CDH10: variants seen among roughly 807,000 people sequenced by gnomAD.
The protein encoded by CDH10 is cadherin-10.
CDH10 carries 30 observed loss-of-function variants against 73.1 expected under a neutral mutation model. The ratio of observed to expected loss-of-function variants is 0.41; its 90% CI spans 0.31 to 0.56. The LOEUF (loss-of-function observed/expected upper bound fraction) is 0.56, where lower values mean the gene tolerates loss of function less well. Ranked by LOEUF, CDH10 falls within the 20% of genes least tolerant of loss-of-function variation. The pLI, the probability that CDH10 is intolerant of heterozygous loss-of-function variation, is 0.27. For synonymous variants in CDH10, 345 were observed against 348.2 expected (o/e 0.99, Z 0.10); for missense variants, 815 against 973.7 (o/e 0.84, Z 2.17).
At chr5:24,628,028 T>A (rs1327876177) in intron 1 of CDH10, among the ~76,000 whole-genome samples, 2 of 152,150 alleles carry the variant, frequency 1.3e-5, no homozygotes, top group Non-Finnish European at 2.9e-5. Flanking sequence ...ATTTTAGGTG[T>A]AAGCTCTACA....
chr5:24,580,863 C>G (rs1745774671), intron 2 of CDH10, among the ~76,000 whole-genome samples: 1 of 151,982 alleles, frequency 6.6e-6, no homozygotes, highest in African/African-American at 2.4e-5. Context: ...CTTGTGTCCC[C>G]TTCCTTCATC....
At position 24,607,428 on chromosome 5, in the gene CDH10, T is replaced by A. The variant is rs534904520; in HGVS notation, c.-123-13815A>T. ...AAATGAACTTAACAGAGTCGCATTA[T>A]TTATAAGAAGGAAAGTTAAAAAAAC... is the stretch of plus-strand genomic sequence containing the variant. On this transcript the variant is annotated intron_variant, in intron 1 of 11. Transcript: ENST00000264463. 3.9e-5 allele frequency among the ~76,000 whole-genome samples: 6 copies of A among 152,300 alleles called. No homozygotes were observed. In the South Asian group the frequency reaches 1.2e-3, roughly 32 times the overall value.
At chr5:24,528,086 A>C (rs1203947341) in intron 5 of CDH10, among the ~76,000 whole-genome samples, 2 of 151,814 alleles carry the variant, frequency 1.3e-5, no homozygotes, top group Non-Finnish European at 2.9e-5. Context: ...TAACTCCTTC[A>C]AACTATAGGC....
intron 7 of CDH10, among the ~76,000 whole-genome samples, chr5:24,508,220 T>C (rs750542891): frequency 2.6e-5 from 4 of 152,228 alleles, no homozygotes; most frequent in Non-Finnish European, 5.9e-5. Context: ...TGGATTATAG[T>C]AAGTGTTCAT....
intron 1 of CDH10, among the ~76,000 whole-genome samples, chr5:24,600,590 C>T (rs372247473): frequency 1.3e-5 from 2 of 151,738 alleles, no homozygotes; most frequent in Non-Finnish European, 2.9e-5. Flanking sequence ...AGCAGAGCGT[C>T]GGTGTGCGTG....
At chr5:24,540,100 G>A (rs181096174) in intron 2 of CDH10, among the ~76,000 whole-genome samples, 2 of 152,024 alleles carry the variant, frequency 1.3e-5, no homozygotes, top group East Asian at 3.9e-4. Flanking sequence ...GTCAGTTTCT[G>A]TGGAAGATCC....
At chr5:24,530,142 G>A (rs1743682670) in intron 5 of CDH10, among the ~76,000 whole-genome samples, 2 of 148,304 alleles carry the variant, frequency 1.3e-5, no homozygotes, top group African/African-American at 5.0e-5. Context: ...TTCTTCTCTG[G>A]TGCCTTTTTT....
intron 5 of CDH10, among the ~76,000 whole-genome samples, chr5:24,533,432 G>A (rs1743821881): frequency 6.6e-6 from 1 of 151,898 alleles, no homozygotes; most frequent in Non-Finnish European, 1.5e-5. Context: ...ATTCGGAGTT[G>A]GAGGTAGATT....
At chr5:24,619,764 G>C (rs563794376) in intron 1 of CDH10, among the ~76,000 whole-genome samples, 49 of 152,112 alleles carry the variant, frequency 3.2e-4, no homozygotes, top group African/African-American at 1.1e-3. Flanking sequence ...GTCATGATTG[G>C]GATTAGTACT....
chr5:24,588,619 G>T (rs1430586994), intron 2 of CDH10, among the ~76,000 whole-genome samples: 1 of 152,148 alleles, frequency 6.6e-6, no homozygotes, highest in Non-Finnish European at 1.5e-5. Flanking sequence ...TCCTTCTCCA[G>T]CTGTGGCCAG....
At position 24,605,285 on chromosome 5, in the gene CDH10, C is replaced by A. The variant is rs771826057; in HGVS notation, c.-123-11672G>T. ...ACCTGTTAGGAACCGGGCCACACAG[C>A]AGGAGGTGAGGAGCCTGTGACCAAG... On this transcript the variant is annotated intron_variant, in intron 1 of 11. Coordinates refer to ENST00000264463, the MANE Select transcript of CDH10 (RefSeq NM_006727.5). Among the ~76,000 whole-genome samples, 30 of 152,328 alleles carry A rather than the reference C, an allele frequency of 2.0e-4. 1 individual carries two copies. The highest frequency in any genetic ancestry group is 3.4e-3 in the Middle Eastern group (1 of 294).
chr5:24,520,292 C>CA (rs1454291012), intron 5 of CDH10, among the ~76,000 whole-genome samples: 1 of 151,722 alleles, frequency 6.6e-6, no homozygotes, highest in Non-Finnish European at 1.5e-5. Flanking sequence ...AATATAAAAG[C>CA]AAAAAATGTG....
At chr5:24,506,112 CAAAA>C (rs956289293) in intron 7 of CDH10, among the ~76,000 whole-genome samples, 4 of 81,902 alleles carry the variant, frequency 4.9e-5, no homozygotes, top group Non-Finnish European at 1.0e-4. Flanking sequence ...AAGACTCCGT[CAAAA>C]AAAAAAAAAA....
At position 24,638,908 on chromosome 5, in the gene CDH10, G is replaced by A. The variant is rs1231450067; in HGVS notation, c.-124+5686C>T. 4.6e-5 allele frequency among the ~76,000 whole-genome samples: 7 copies of A among 151,050 alleles called. No individual in the cohort carries two copies. In the East Asian group the frequency reaches 1.4e-3, roughly 30 times the overall value. Reference sequence around the variant, plus strand: ...AAAGCAAATCAATATCACACTGTTGGTTTTGAAAGTATGTAATTCATGTTT... The same window carrying A: ...AAAGCAAATCAATATCACACTGTTGATTTTGAAAGTATGTAATTCATGTTT... On this transcript the variant is annotated intron_variant, in intron 1 of 11. Coordinates refer to ENST00000264463, the MANE Select transcript of CDH10 (RefSeq NM_006727.5).
chr5:24,535,562 T>C, intron 4 of CDH10, 141 bp downstream of exon 4: 3 of 779,250 alleles, frequency 3.8e-6, no homozygotes, highest in Non-Finnish European at 6.1e-6. Flanking sequence ...TAACTTTGAG[T>C]TCTTATATCT....
intron 5 of CDH10, among the ~76,000 whole-genome samples, chr5:24,521,720 T>A (rs1743338559): frequency 6.6e-6 from 1 of 152,096 alleles, no homozygotes; most frequent in South Asian, 2.1e-4. Context: ...TAAACATAAC[T>A]GAATATTAAA....
At chr5:24,540,837 A>G (rs1332787206) in intron 2 of CDH10, among the ~76,000 whole-genome samples, 10 of 151,964 alleles carry the variant, frequency 6.6e-5, no homozygotes, top group Admixed American at 6.6e-4. Flanking sequence ...CCTATGTTTA[A>G]TGAAAGATGG....
chr5:24,542,770 G>A (rs1404818479), intron 2 of CDH10, among the ~76,000 whole-genome samples: 1 of 152,148 alleles, frequency 6.6e-6, no homozygotes, highest in African/African-American at 2.4e-5. Flanking sequence ...CTGGTTTATA[G>A]ATGATACCTT....
chr5:24,569,177 C>T (rs1341563093), intron 2 of CDH10, among the ~76,000 whole-genome samples: 1 of 151,750 alleles, frequency 6.6e-6, no homozygotes, highest in African/African-American at 2.4e-5. Context: ...CATATAATTC[C>T]ACTTATATGA....
Sources: gnomAD v4.1 joint callset for allele counts (sites outside exome capture counted in the v4.1 genomes callset) on GRCh38, gnomAD v4.1.1 for gene constraint, MANE v1.5 for transcripts, NCBI Gene and HGNC (gene_info 2026-07-23, HGNC 2026-07-21) for gene names.